Variants in MLIP observed in about 807,000 individuals in gnomAD.
MLIP encodes muscular LMNA interacting protein, also known as muscular LMNA-interacting protein.
MLIP carries 79 observed loss-of-function variants against 84.8 expected under a neutral mutation model. That is an observed-to-expected ratio of 0.93 (90% CI 0.78 to 1.12). The LOEUF (loss-of-function observed/expected upper bound fraction) is 1.12. Among genes scored for constraint, MLIP ranks in the 50% most tolerant of loss-of-function variants. The pLI is 0.00. For synonymous variants in MLIP, 504 were observed against 463.0 expected, an observed-to-expected ratio of 1.09 and a Z score of -1.14; for missense variants, 1,257 against 1,160.6, an observed-to-expected ratio of 1.08 and a Z score of -1.21.
intron 11 of MLIP, among the ~76,000 whole-genome samples, chr6:54,228,820 TAAC>T (rs1263602084): frequency 6.6e-6 from 1 of 152,214 alleles, no homozygotes; most frequent in Admixed American, 6.5e-5. Context: ...CAACTATCAA[TAAC>T]AACACTGTCC....
chr6:54,083,502 G>C, intron 1 of MLIP: 1 of 1,535,298 alleles, frequency 6.5e-7, no homozygotes, highest in Non-Finnish European at 8.7e-7. Context: ...TTGTCAATGA[G>C]TTCTATTGGC....
intron 4 of MLIP, among the ~76,000 whole-genome samples, chr6:54,145,423 G>A (rs1328766550): frequency 6.6e-6 from 1 of 152,042 alleles, no homozygotes; most frequent in Non-Finnish European, 1.5e-5. Context: ...ATACTGAAAA[G>A]GAAAGGGTAT....
intron 9 of MLIP, among the ~76,000 whole-genome samples, chr6:54,185,350 T>G (rs1023972404): frequency 1.3e-5 from 2 of 152,200 alleles, no homozygotes; most frequent in African/African-American, 4.8e-5. Context: ...ATTTTGCACT[T>G]TCTCTGGGAA....
chr6:54,148,851 T>G (rs1773142421), intron 4 of MLIP, among the ~76,000 whole-genome samples: 1 of 152,170 alleles, frequency 6.6e-6, no homozygotes, highest in African/African-American at 2.4e-5. Flanking sequence ...AGGCTGATAT[T>G]TTACTGTGGC....
intron 1 of MLIP, among the ~76,000 whole-genome samples, chr6:54,074,012 G>A (rs1582078681): frequency 6.6e-6 from 1 of 152,146 alleles, no homozygotes; most frequent in Non-Finnish European, 1.5e-5. Flanking sequence ...CTAAACCAAT[G>A]TAAGTTTTAC....
At chr6:54,033,327 C>T (rs895502447) in intron 1 of MLIP, among the ~76,000 whole-genome samples, 12 of 149,376 alleles carry the variant, frequency 8.0e-5, no homozygotes, top group South Asian at 4.2e-4. Flanking sequence ...AGTGCAATGG[C>T]GCAGTCTCAG....
Position 54,124,655 on chromosome 6 carries a change from C to T in MLIP, c.435C>T (p.Asp145=), listed in dbSNP as rs755839152. 6.2e-7 allele frequency: 1 copy of T among 1,614,198 alleles called. No individual in the cohort carries two copies. Among genetic ancestry groups the T allele is most frequent in the Non-Finnish European group, 8.5e-7 (1 of 1,180,022 alleles). Residue 145 remains aspartate, a synonymous_variant, in exon 3 of 14, where the codon GAC becomes GAT. Coordinates refer to ENST00000502396, the MANE Select transcript of MLIP (RefSeq NM_001281747.2). ...LFKAEYVLIV[D]SEGEDEAASR... is the part of the protein sequence containing the mutation. ...AAGCTGAATATGTCCTTATTGTGGA[C>T]TCCGAAGGGGAAGATGAGGCTGCAA... is the stretch of plus-strand genomic sequence containing the variant.
At chr6:54,179,113 C>G (rs1776593705) in intron 9 of MLIP, among the ~76,000 whole-genome samples, 2 of 152,142 alleles carry the variant, frequency 1.3e-5, no homozygotes, top group African/African-American at 2.4e-5. Flanking sequence ...ATCATTATAG[C>G]CTTTTGCTGA....
At chr6:54,238,584 T>A (rs901086733) in intron 12 of MLIP, among the ~76,000 whole-genome samples, 1 of 152,196 alleles carries the variant, frequency 6.6e-6, no homozygotes, top group African/African-American at 2.4e-5. Context: ...GAGAAACACA[T>A]GGCCAGTCTG....
intron 11 of MLIP, among the ~76,000 whole-genome samples, chr6:54,207,527 T>C (rs1779121395): frequency 6.6e-6 from 1 of 151,932 alleles, no homozygotes; most frequent in Non-Finnish European, 1.5e-5. Context: ...TTAACAGGAA[T>C]TTCTTTTCCA....
At position 54,116,196 on chromosome 6, in the gene MLIP, G is replaced by C. The variant is rs867338081; in HGVS notation, c.96+4621G>C. 2.0e-5 allele frequency among the ~76,000 whole-genome samples: 3 copies of C among 152,162 alleles called. No homozygotes were observed. In the East Asian group the frequency reaches 5.8e-4, roughly 29 times the overall value. ...ATAAAAGGGTGGCAGGGATTGAAGGGAGAGGGAGTGAGAGACTTGCCAGGG... is the reference window on the plus strand; with the variant it reads ...ATAAAAGGGTGGCAGGGATTGAAGGCAGAGGGAGTGAGAGACTTGCCAGGG... On this transcript the variant is annotated intron_variant, in intron 1 of 13. Coordinates refer to ENST00000502396, the MANE Select transcript of MLIP (RefSeq NM_001281747.2).
intron 11 of MLIP, among the ~76,000 whole-genome samples, chr6:54,213,079 T>C (rs1241122713): frequency 6.6e-6 from 1 of 152,244 alleles, no homozygotes; most frequent in Non-Finnish European, 1.5e-5. Flanking sequence ...ATTTCATTCA[T>C]GTGTTTCATA....
chr6:54,258,011 G>A (rs1783127360), intron 13 of MLIP, among the ~76,000 whole-genome samples: 1 of 151,830 alleles, frequency 6.6e-6, no homozygotes, highest in Non-Finnish European at 1.5e-5. Context: ...TTCTCATTAT[G>A]GTTTACTTTT....
chr6:54,150,710 C>CT (rs1265221378), intron 5 of MLIP, among the ~76,000 whole-genome samples: 1 of 152,114 alleles, frequency 6.6e-6, no homozygotes, highest in African/African-American at 2.4e-5. Flanking sequence ...TTCTGAAAGT[C>CT]TTTTGTGAGA....
intron 1 of MLIP, among the ~76,000 whole-genome samples, chr6:54,089,346 G>A (rs112027782): frequency 5.9e-5 from 9 of 152,036 alleles, no homozygotes; most frequent in African/African-American, 2.2e-4. Context: ...TTGAATATTG[G>A]GCCACCTGGT....
At chr6:54,256,320 A>G (rs374995431) in intron 12 of MLIP, among the ~76,000 whole-genome samples, 2 of 152,166 alleles carry the variant, frequency 1.3e-5, no homozygotes, top group Non-Finnish European at 2.9e-5. Context: ...TCCCCTGGGT[A>G]GGCTAAATTA....
intron 8 of MLIP, 80 bp downstream of exon 8, chr6:54,160,879 A>G: frequency 8.6e-7 from 1 of 1,160,054 alleles, no homozygotes. Context: ...TCAAGGTCCA[A>G]TAGTGAATTG....
At chr6:54,124,416 A>C in intron 2 of MLIP, 57 bp from the exon 3 acceptor site, 1 of 1,501,434 alleles carries the variant, frequency 6.7e-7, no homozygotes, top group Non-Finnish European at 9.0e-7. Flanking sequence ...TACATGCCAA[A>C]AAAGAAGCAT....
chr6:54,159,367 G>T (rs1459007225), intron 5 of MLIP, among the ~76,000 whole-genome samples: 2 of 152,046 alleles, frequency 1.3e-5, no homozygotes, highest in East Asian at 1.9e-4. Context: ...TTTAAAATTA[G>T]CTTGCCTTAT....
Sources: allele counts gnomAD v4.1 joint callset (sites outside exome capture counted in the v4.1 genomes callset), GRCh38; gene constraint gnomAD v4.1.1; transcripts MANE v1.5; gene names NCBI Gene and HGNC (gene_info 2026-07-23, HGNC 2026-07-21).